Variants in KIAA1217 observed in about 807,000 individuals in gnomAD.
KIAA1217 encodes sickle tail protein homolog.
A neutral mutation model predicts 163.9 loss-of-function variants in KIAA1217; 88 were observed. The observed-to-expected ratio is 0.54, with a 90% CI of 0.45 to 0.64. The LOEUF is 0.64. KIAA1217 is among the 30% of genes least tolerant of loss of function. The probability of loss-of-function intolerance (pLI) is 0.00; values close to 1 mark genes in which losing one functional copy is unlikely to be tolerated. For synonymous variants in KIAA1217, 903 were observed against 923.1 expected (o/e 0.98, Z 0.39); for missense variants, 2,372 against 2,475.0 (o/e 0.96, Z 0.88).
At chr10:24,399,086 A>G (rs1366410330) in intron 3 of KIAA1217, among the ~76,000 whole-genome samples, 3 of 152,210 alleles carry the variant, frequency 2.0e-5, no homozygotes, top group African/African-American at 7.2e-5. Flanking sequence ...AAGTGGACCC[A>G]CACAGCTCAA....
chr10:24,200,127 A>ATC (rs1564819679), intron 2 of KIAA1217, among the ~76,000 whole-genome samples: 1 of 149,444 alleles, frequency 6.7e-6, no homozygotes, highest in Non-Finnish European at 1.5e-5. Context: ...TGCTCTGCTG[A>ATC]TCTCTCTCTT....
At chr10:24,285,030 A>G (rs1027637501) in intron 2 of KIAA1217, among the ~76,000 whole-genome samples, 4 of 152,102 alleles carry the variant, frequency 2.6e-5, no homozygotes, top group African/African-American at 9.7e-5. Context: ...TTACGTATGT[A>G]TTCTTTTGAG....
intron 2 of KIAA1217, among the ~76,000 whole-genome samples, chr10:24,021,886 CA>C (rs71397925): frequency 0.99 from 148,850 of 151,004 alleles, 73,376 homozygotes; most frequent in Middle Eastern, 1. Context: ...CATCAATATA[CA>C]AAAAAAAAAT....
At chr10:23,750,799 G>A (rs116704992) in intron 1 of KIAA1217, among the ~76,000 whole-genome samples, 1 of 152,246 alleles carries the variant, frequency 6.6e-6, no homozygotes, top group African/African-American at 2.4e-5. Context: ...TTGGCAGAAT[G>A]AAGTGTTGGT....
In KIAA1217 at chr10:24,543,311, A is replaced by C. The variant is rs768170486; in HGVS notation, c.4041A>C (p.Gln1347His). 2.5e-6 allele frequency: 4 copies of C among 1,614,152 alleles called. No homozygotes were observed. The highest frequency in any genetic ancestry group is 3.4e-6 in the Non-Finnish European group (4 of 1,180,024). Reference sequence around the variant, plus strand: ...AGGTTATCACGACAGATTTTGGCCAAGTTGTTCTAAGACCCAAGGAGGCAA... The same window carrying C: ...AGGTTATCACGACAGATTTTGGCCACGTTGTTCTAAGACCCAAGGAGGCAA... Reference protein sequence around the residue: ...DQEVITTDFGQVVLRPKEARH... With the variant: ...DQEVITTDFGHVVLRPKEARH... Residue 1347 changes from glutamine (Q) to histidine (H), a missense_variant, in exon 19 of 21, where the codon CAA (glutamine) becomes CAC (histidine). Gln to His is a conservative substitution (Grantham distance 24). Around this residue, in one of 3 missense-constraint regions of KIAA1217, gnomAD observed 251 missense variants for 327.3 expected, o/e 0.77. Transcript: ENST00000376454.
At chr10:24,350,718 A>G (rs2048349036) in intron 2 of KIAA1217, among the ~76,000 whole-genome samples, 1 of 152,142 alleles carries the variant, frequency 6.6e-6, no homozygotes, top group Non-Finnish European at 1.5e-5. Context: ...TGGAGTCTAC[A>G]AGTAAGTCTC....
At chr10:23,900,125 C>A (rs916371268) in intron 1 of KIAA1217, among the ~76,000 whole-genome samples, 1 of 151,926 alleles carries the variant, frequency 6.6e-6, no homozygotes, top group African/African-American at 2.4e-5. Context: ...CCTGCCTCAG[C>A]CTCCTGAGTA....
At chr10:23,851,596 C>G (rs1272741227) in intron 1 of KIAA1217, among the ~76,000 whole-genome samples, 1 of 152,142 alleles carries the variant, frequency 6.6e-6, no homozygotes, top group Non-Finnish European at 1.5e-5. Flanking sequence ...ACACTGACTT[C>G]CACAATGGTT....
intron 1 of KIAA1217, among the ~76,000 whole-genome samples, chr10:23,745,389 C>G (rs192315423): frequency 3.3e-5 from 5 of 152,134 alleles, no homozygotes; most frequent in Non-Finnish European, 4.4e-5. Flanking sequence ...AATAACATCA[C>G]GTCGAGTTGC....
At chr10:23,776,596 A>G (rs1395999692) in intron 1 of KIAA1217, among the ~76,000 whole-genome samples, 1 of 150,824 alleles carries the variant, frequency 6.6e-6, no homozygotes, top group East Asian at 1.9e-4. Context: ...AAATTCTATT[A>G]TTTTTAAATG....
At chr10:24,334,564 T>C (rs938630620) in intron 2 of KIAA1217, among the ~76,000 whole-genome samples, 1 of 152,196 alleles carries the variant, frequency 6.6e-6, no homozygotes, top group Non-Finnish European at 1.5e-5. Context: ...TAAGTCCTTA[T>C]AATAAGGACT....
chr10:23,759,034 GT>G (rs1834099939), intron 1 of KIAA1217, among the ~76,000 whole-genome samples: 2 of 151,918 alleles, frequency 1.3e-5, no homozygotes, highest in Non-Finnish European at 2.9e-5. Context: ...GTCTTAATAG[GT>G]TTTTCAACCC....
intron 2 of KIAA1217, among the ~76,000 whole-genome samples, chr10:24,330,683 A>C (rs557689719): frequency 6.6e-6 from 1 of 152,234 alleles, no homozygotes; most frequent in East Asian, 1.9e-4. Flanking sequence ...TGGTGTGATC[A>C]TGGCTCACTG....
At chr10:24,260,587 A>C (rs1306689680) in intron 2 of KIAA1217, among the ~76,000 whole-genome samples, 8 of 47,542 alleles carry the variant, frequency 1.7e-4, no homozygotes, top group Non-Finnish European at 2.8e-4. Flanking sequence ...TCATCTCTAC[A>C]AAAAAAAAAA....
At chr10:23,802,078 G>A (rs930284751) in intron 1 of KIAA1217, among the ~76,000 whole-genome samples, 2 of 152,210 alleles carry the variant, frequency 1.3e-5, no homozygotes, top group Admixed American at 1.3e-4. Context: ...TTGAGAGACT[G>A]CAGATGGGAG....
chr10:23,740,463 A>G (rs550040957), intron 1 of KIAA1217, among the ~76,000 whole-genome samples: 6 of 152,224 alleles, frequency 3.9e-5, no homozygotes, highest in Admixed American at 1.3e-4. Context: ...GGCTTAAGCA[A>G]TCCTCTAGCC....
intron 1 of KIAA1217, among the ~76,000 whole-genome samples, chr10:23,774,775 G>A (rs568335715): frequency 1.3e-5 from 2 of 152,304 alleles, no homozygotes; most frequent in African/African-American, 4.8e-5. Context: ...TCCCATGTGG[G>A]ACTCTGAGGG....
intron 2 of KIAA1217, among the ~76,000 whole-genome samples, chr10:24,361,982 C>CAAAAAAAAAAAAAAAAAAAAA (rs68117028): frequency 2.0e-5 from 2 of 100,572 alleles, no homozygotes; most frequent in Non-Finnish European, 3.9e-5. Flanking sequence ...GACTCTGTCT[C>CAAAAAAAAAAAAAAAAAAAAA]AAAAAAAAAA....
intron 2 of KIAA1217, among the ~76,000 whole-genome samples, chr10:24,226,442 C>T (rs901656162): frequency 6.6e-6 from 1 of 151,208 alleles, no homozygotes; most frequent in Admixed American, 6.6e-5. Context: ...CTGGCTAACA[C>T]GGTGAAACCC....
Sources: gnomAD v4.1 joint callset for allele counts (sites outside exome capture counted in the v4.1 genomes callset) on GRCh38, gnomAD v4.1.1 for gene constraint, gnomAD v4.1.1 regional missense constraint, MANE v1.5 for transcripts, NCBI Gene and HGNC (gene_info 2026-07-23, HGNC 2026-07-21) for gene names.